HACL1: variants seen among roughly 807,000 people sequenced by gnomAD.
HACL1 encodes 1600020H07Rik.
HACL1 carries 64 observed loss-of-function variants against 74.2 expected under a neutral mutation model. The ratio of observed to expected loss-of-function variants is 0.86; its 90% CI spans 0.70 to 1.06. HACL1 has a LOEUF of 1.06. Among genes scored for constraint, HACL1 ranks in the 50% least tolerant of loss-of-function variants. The pLI is 0.00. For missense variants in HACL1, 728 were observed against 719.7 expected (o/e 1.01, Z -0.13); for synonymous variants, 230 against 238.8 (o/e 0.96, Z 0.34).
At chr3:15,599,179 CTG>C (rs2064128792) in intron 2 of HACL1, among the ~76,000 whole-genome samples, 1 of 152,240 alleles carries the variant, frequency 6.6e-6, no homozygotes, top group Admixed American at 6.5e-5. Context: ...ATACAATTGT[CTG>C]TGTCTGTCTC....
At chr3:15,584,986 T>C (rs2063770050) in intron 7 of HACL1, among the ~76,000 whole-genome samples, 1 of 152,214 alleles carries the variant, frequency 6.6e-6, no homozygotes, top group South Asian at 2.1e-4. Context: ...TGTATATTTA[T>C]GGTTACTGGA....
At chr3:15,597,163 C>T (rs910810228) in intron 2 of HACL1, among the ~76,000 whole-genome samples, 2 of 152,124 alleles carry the variant, frequency 1.3e-5, no homozygotes, top group Non-Finnish European at 2.9e-5. Context: ...TATTCTCAAT[C>T]AGTCTATCTT....
At chr3:15,589,460 G>A (rs759109232) in intron 5 of HACL1, 80 bp downstream of exon 5, 1 of 846,058 alleles carries the variant, frequency 1.2e-6, no homozygotes, top group Non-Finnish European at 2.0e-6. Context: ...TGGCACCACT[G>A]CACTGCAGCC....
chr3:15,564,049 A>G (rs541133638), intron 15 of HACL1, among the ~76,000 whole-genome samples: 1 of 152,184 alleles, frequency 6.6e-6, no homozygotes, highest in Non-Finnish European at 1.5e-5. Flanking sequence ...AAATAGACAC[A>G]CCCATACCCT....
chr3:15,596,787 A>AT (rs1465676889), intron 2 of HACL1, among the ~76,000 whole-genome samples: 2 of 151,946 alleles, frequency 1.3e-5, no homozygotes, highest in African/African-American at 4.8e-5. Flanking sequence ...CAAAGAACAA[A>AT]TTTTTTTAGT....
chr3:15,567,297 A>G (rs1040844972), intron 14 of HACL1, among the ~76,000 whole-genome samples: 1 of 135,642 alleles, frequency 7.4e-6, no homozygotes, highest in Admixed American at 8.6e-5. Context: ...TGCAACCTCC[A>G]CTTCCCAGTT....
chr3:15,598,453 C>A (rs999641772), intron 2 of HACL1, among the ~76,000 whole-genome samples: 1 of 152,238 alleles, frequency 6.6e-6, no homozygotes, highest in Non-Finnish European at 1.5e-5. Context: ...CCAGCTTCCC[C>A]ACTTTCTACT....
intron 3 of HACL1, among the ~76,000 whole-genome samples, chr3:15,592,300 G>A (rs1032020401): frequency 6.2e-5 from 8 of 129,956 alleles, no homozygotes; most frequent in Non-Finnish European, 9.2e-5. Flanking sequence ...GTATACATAC[G>A]TATATATATG....
intron 9 of HACL1, among the ~76,000 whole-genome samples, chr3:15,577,941 A>G (rs1005250148): frequency 1.3e-5 from 2 of 151,972 alleles, no homozygotes; most frequent in Admixed American, 6.6e-5. Flanking sequence ...TACTAAAAAT[A>G]CAAAAAATTA....
intron 14 of HACL1, among the ~76,000 whole-genome samples, chr3:15,566,688 G>T (rs1422445706): frequency 6.8e-6 from 1 of 147,948 alleles, no homozygotes; most frequent in African/African-American, 2.5e-5. Flanking sequence ...TACCTCATTT[G>T]TTTTTCATAA....
intron 14 of HACL1, among the ~76,000 whole-genome samples, chr3:15,566,579 T>C (rs1167026086): frequency 1.3e-5 from 2 of 152,124 alleles, no homozygotes; most frequent in African/African-American, 4.8e-5. Context: ...TCCGTTGAAC[T>C]TGGGTGGTTG....
In HACL1 at chr3:15,597,446, A is replaced by G. The variant is rs78198459; in HGVS notation, c.187-1022T>C. Among the ~76,000 whole-genome samples, 925 of 152,204 alleles carry G rather than the reference A, an allele frequency of 6.1e-3. 7 individuals are homozygous for G. Among genetic ancestry groups the G allele is most frequent in the African/African-American group, 0.021 (880 of 41,488 alleles). On this transcript the variant is annotated intron_variant, in intron 2 of 16. Coordinates refer to ENST00000321169, the MANE Select transcript of HACL1 (RefSeq NM_012260.4). Reference sequence around the variant, plus strand: ...GGGCACTAAATTAAATGCACACAAGATAACCTGGGAAAATGCTGAGTGCTC... The same window carrying G: ...GGGCACTAAATTAAATGCACACAAGGTAACCTGGGAAAATGCTGAGTGCTC...
In HACL1 at chr3:15,560,892, A is replaced by T; in HGVS notation, c.1710T>A (p.Phe570Leu). Residue 570 changes from phenylalanine to leucine, a missense_variant, in exon 17 of 17, where the codon TTT (phenylalanine) becomes TTA (leucine). Coordinates refer to ENST00000321169, the MANE Select transcript of HACL1 (RefSeq NM_012260.4). ...EPQATRKAQD[F>L]HWLTRSNM is the part of the protein sequence containing the mutation. The stretch of plus-strand genomic sequence containing the variant: ...ACATATTAGAGCGGGTCAGCCAATG[A>T]AAATCCTAGAAAAAGAAGACAACAA... 1.2e-6 allele frequency: 2 copies of T among 1,603,652 alleles called. No homozygotes were observed. The highest frequency in any genetic ancestry group is 1.7e-6 in the Non-Finnish European group (2 of 1,171,014).
rs748535962 is a variant in HACL1, at chr3:15,585,323, T to C, written c.479A>G (p.Tyr160Cys). 51 of 1,597,022 alleles carry C rather than the reference T, an allele frequency of 3.2e-5. No homozygotes were observed. Among genetic ancestry groups the C allele is most frequent in the East Asian group, 2.0e-4 (9 of 44,728 alleles). Residue 160 changes from tyrosine to cysteine, a missense_variant, in exon 7 of 17, where the codon TAT becomes TGT. Coordinates refer to ENST00000321169, the MANE Select transcript of HACL1 (RefSeq NM_012260.4). ...AACATAGCAAGCACCTGGACGACCATAGATACTGCTTCTCACTGCCTACGT... is the reference window on the plus strand; with the variant it reads ...AACATAGCAAGCACCTGGACGACCACAGATACTGCTTCTCACTGCCTACGT... ...VIEKAVRSSI[Y>C]GRPGACYVDI...
intron 4 of HACL1, 40 bp from the exon 5 acceptor site, chr3:15,589,652 G>C (rs184357129): frequency 8.8e-5 from 107 of 1,212,932 alleles, no homozygotes; most frequent in Non-Finnish European, 9.3e-5. Context: ...TTACAAATTA[G>C]ATCATCATGT....
At position 15,601,173 on chromosome 3, in the gene HACL1, T is replaced by C. The variant is rs772384524; in HGVS notation, c.103A>G (p.Ile35Val). 8.7e-6 allele frequency: 14 copies of C among 1,613,008 alleles called. No homozygotes were observed. The highest frequency in any genetic ancestry group is 1.7e-5 in the Admixed American group (1 of 60,002). ...ATTTCGGTCACTGGGATGCCTACGA[T>C]GCCAAATATGTACTCCACATCCTGA... ...KTQDVEYIFG[I>V]VGIPVTEIAI... Residue 35 changes from isoleucine to valine, a missense_variant, in exon 2 of 17, where the codon ATC (isoleucine) becomes GTC (valine). Coordinates refer to ENST00000321169, the MANE Select transcript of HACL1 (RefSeq NM_012260.4).
In HACL1 at chr3:15,575,074, TG is replaced by T. The variant is rs2063599113; in HGVS notation, c.811del (p.Gln271AsnfsTer5). ...CVGAARSRAL[Q>X]FADVIVLFGA... ...AAATAACACAATTACATCAGCAAAT[TG>T]CAAAGCCCTATTAAAAAAATTGATA... On this transcript the variant is annotated frameshift_variant, in exon 10 of 17. Transcript: ENST00000321169. LOFTEE classifies it high-confidence loss of function. 6.5e-7 allele frequency: 1 copy of T among 1,539,984 alleles called. No homozygotes were observed. The highest frequency in any genetic ancestry group is 1.7e-5 in the Admixed American group (1 of 59,436).
chr3:15,583,782 T>C (rs116482844), intron 7 of HACL1, among the ~76,000 whole-genome samples: 3,006 of 152,076 alleles, frequency 0.02, 104 homozygotes, highest in African/African-American at 0.069. Flanking sequence ...CTCAGCCTCC[T>C]GAGTAGCTGG....
At chr3:15,579,005 C>T (rs2063676091) in intron 9 of HACL1, among the ~76,000 whole-genome samples, 1 of 152,204 alleles carries the variant, frequency 6.6e-6, no homozygotes, top group South Asian at 2.1e-4. Context: ...TGCAGACAGA[C>T]TCAAAACAGC....
Sources: allele counts gnomAD v4.1 joint callset (sites outside exome capture counted in the v4.1 genomes callset), GRCh38; gene constraint gnomAD v4.1.1; transcripts MANE v1.5; gene names NCBI Gene and HGNC (gene_info 2026-07-23, HGNC 2026-07-21).